Variants in PDP2 observed in about 807,000 individuals in gnomAD.
PDP2 encodes [Pyruvate dehydrogenase [acetyl-transferring]]-phosphatase 2, mitochondrial.
In PDP2, 23 loss-of-function variants were observed where a neutral mutation model predicts 34.2. The observed-to-expected ratio is 0.67, with a 90% CI of 0.48 to 0.95. The LOEUF (loss-of-function observed/expected upper bound fraction) is 0.95. PDP2 is among the 40% of genes least tolerant of loss of function. The pLI is 0.00. For synonymous variants in PDP2, 275 were observed against 269.2 expected (o/e 1.02, Z -0.21); for missense variants, 571 against 659.6 (o/e 0.87, Z 1.47).
In PDP2 at chr16:66,889,710, C is replaced by A. The variant is rs1961930074; in HGVS notation, c.*3836C>A. On this transcript the variant is annotated 3_prime_UTR_variant, in exon 2 of 2. Coordinates refer to ENST00000311765, the MANE Select transcript of PDP2 (RefSeq NM_020786.4). ...CGTGGCTAGGCACAGTGGCCCACAC[C>A]TGTAATCCCAGCACTTTGGGATTCC... 6.6e-6 allele frequency: 1 copy of A among 151,664 alleles called. No homozygotes were observed. The highest frequency in any genetic ancestry group is 1.5e-5 in the Non-Finnish European group (1 of 68,032). The allele number at this position is 151,664 out of a possible 1,614,324, so 9.4% of individuals were successfully genotyped here. A position where few individuals can be genotyped will look rare whatever the true frequency, so the allele number is the denominator to read the frequency against.
rs1961789810 is a variant in PDP2, at chr16:66,886,938, T to C, written c.*1064T>C. On this transcript the variant is annotated 3_prime_UTR_variant, in exon 2 of 2. Transcript: ENST00000311765. The stretch of plus-strand genomic sequence containing the variant: ...TGTGGTAGTTGTGGTGATAGACGTT[T>C]AGACAGGACAGGTTAATTTAGCGGA... The C allele has an allele frequency of 5.8e-6, 1 of 173,870 alleles. No individual in the cohort carries two copies. The highest frequency in any genetic ancestry group is 2.4e-5 in the African/African-American group (1 of 41,770). The allele number at this position is 173,870 out of a possible 1,614,324, so 10.8% of individuals were successfully genotyped here.
chr16:66,884,743 C>T lies in PDP2; in HGVS notation c.459C>T (p.Ser153=), dbSNP rs758313920. 32 of 1,614,160 alleles carry T rather than the reference C, an allele frequency of 2.0e-5. 1 individual carries two copies. Among genetic ancestry groups the T allele is most frequent in the South Asian group, 1.1e-4 (10 of 91,080 alleles). ...GTCATGCATGTGCCCAAGCAGTGAG[C>T]GAGAGGCTCTTCTACTATGTGGCAG... ...HGGHACAQAV[S]ERLFYYVAVS... The change falls in exon 2 of 2, where the codon AGC becomes AGT. Residue 153 remains serine (S), a synonymous_variant. Transcript: ENST00000311765.
In PDP2 at chr16:66,884,412, C is replaced by T. The variant is rs755505367; in HGVS notation, c.128C>T (p.Ser43Phe). Residue 43 changes from serine to phenylalanine, a missense_variant, in exon 2 of 2, where the codon TCC becomes TTC. Coordinates refer to ENST00000311765, the MANE Select transcript of PDP2 (RefSeq NM_020786.4). ...NRNKLKWRLF[S>F]RVPPTLNSSP... ...AATAAATTAAAATGGAGGCTCTTTT[C>T]CCGGGTGCCACCCACCCTAAACAGT... 1.9e-6 allele frequency: 3 copies of T among 1,614,018 alleles called. No homozygotes were observed. The East Asian group carries it at 6.7e-5, about 36-fold the overall frequency.
chr16:66,890,664 G>C lies in PDP2; in HGVS notation c.*4790G>C, dbSNP rs1961964101. The C allele has an allele frequency of 6.6e-6, 1 of 152,220 alleles. No homozygotes were observed. Among genetic ancestry groups the C allele is most frequent in the Non-Finnish European group, 1.5e-5 (1 of 68,042 alleles). 9.4% of individuals were successfully genotyped at this position (152,220 alleles called of 1,614,324 possible). A position where few individuals can be genotyped will look rare whatever the true frequency, so the allele number is the denominator to read the frequency against. On this transcript the variant is annotated 3_prime_UTR_variant, in exon 2 of 2. Coordinates refer to ENST00000311765, the MANE Select transcript of PDP2 (RefSeq NM_020786.4). ...GTAGCCTATCTTCAGCCTTTGGGAA[G>C]TCTTAACTTCCCAGGTTAAACTAGA... is the stretch of plus-strand genomic sequence containing the variant.
chr16:66,883,836 G>T (rs1321349911), intron 1 of PDP2, among the ~76,000 whole-genome samples: 1 of 152,056 alleles, frequency 6.6e-6, no homozygotes, highest in Non-Finnish European at 1.5e-5. Flanking sequence ...AGTCATTTTT[G>T]TTCAGGATAT....
rs1036749856 is a variant in PDP2 at position 66,885,278 on chromosome 16, A to G, written c.994A>G (p.Ile332Val). 6.2e-6 allele frequency: 10 copies of G among 1,614,130 alleles called. No homozygotes were observed. Among genetic ancestry groups the G allele is most frequent in the Admixed American group, 1.7e-5 (1 of 60,026 alleles). ...REHPESEDRTIIMEDRLLGVL... is the reference protein window; with the variant it reads ...REHPESEDRTVIMEDRLLGVL... Reference sequence around the variant, plus strand: ...GCACCCTGAGTCAGAGGACAGGACGATCATCATGGAGGACAGGCTACTGGG... The same window carrying G: ...GCACCCTGAGTCAGAGGACAGGACGGTCATCATGGAGGACAGGCTACTGGG... The change falls in exon 2 of 2, where the codon ATC becomes GTC. Residue 332 changes from isoleucine to valine, a missense_variant. Physicochemically the swap from Ile to Val is conservative, Grantham distance 29. Around this residue, in one of 2 missense-constraint regions of PDP2, gnomAD observed 281 missense variants for 375.8 expected, o/e 0.75. Coordinates refer to ENST00000311765, the MANE Select transcript of PDP2 (RefSeq NM_020786.4). The surrounding 1 kb of genome is among the most constrained non-coding windows in gnomAD (Gnocchi z 4.6).
rs1961897935 is a variant in PDP2 at position 66,888,998 on chromosome 16, C to T, written c.*3124C>T. 6.6e-6 allele frequency: 1 copy of T among 152,236 alleles called. No homozygotes were observed. The highest frequency in any genetic ancestry group is 2.4e-5 in the African/African-American group (1 of 41,462). 9.4% of individuals were successfully genotyped at this position (152,236 alleles called of 1,614,324 possible). A position where few individuals can be genotyped will look rare whatever the true frequency, so the allele number is the denominator to read the frequency against. ...CTTTCCATGAACATTCTGGGGAGCA[C>T]CTCCTGATTAAACTCCTGTCTCCCT... On this transcript the variant is annotated 3_prime_UTR_variant, in exon 2 of 2. Transcript: ENST00000311765.
rs201113883 is a variant in PDP2 at position 66,885,125 on chromosome 16, G to A, written c.841G>A (p.Val281Met). 9.3e-6 allele frequency: 15 copies of A among 1,613,944 alleles called. No individual in the cohort carries two copies. In the Admixed American group the frequency reaches 1.3e-4, roughly 14 times the overall value. ...CCATGTTGATGGAATTCACTTGCAC[G>A]TGGCAAATGCTGGTGACTGCCGAGC... ...MAHVDGIHLH[V>M]ANAGDCRAIL... is the part of the protein sequence containing the mutation. Residue 281 changes from valine (V) to methionine (M), a missense_variant, in exon 2 of 2, where the codon GTG (valine) becomes ATG (methionine). Around this residue, in one of 2 missense-constraint regions of PDP2, gnomAD observed 281 missense variants for 375.8 expected, o/e 0.75. Transcript: ENST00000311765. The surrounding 1 kb of genome is among the most constrained non-coding windows in gnomAD (Gnocchi z 4.6).
At position 66,884,415 on chromosome 16, in the gene PDP2, G is replaced by A. The variant is rs139306010; in HGVS notation, c.131G>A (p.Arg44Gln). The A allele has an allele frequency of 6.6e-5, 107 of 1,613,872 alleles. No individual in the cohort carries two copies. The highest frequency in any genetic ancestry group is 1.1e-4 in the African/African-American group (8 of 74,870). Residue 44 changes from arginine (R) to glutamine (Q), a missense_variant, in exon 2 of 2, where the codon CGG (arginine) becomes CAG (glutamine). Around this residue, in one of 2 missense-constraint regions of PDP2, gnomAD observed 290 missense variants for 283.8 expected, o/e 1.02. Transcript: ENST00000311765. ...AAATTAAAATGGAGGCTCTTTTCCC[G>A]GGTGCCACCCACCCTAAACAGTTCC... ...RNKLKWRLFS[R>Q]VPPTLNSSPC...
chr16:66,884,846 C>T lies in PDP2; in HGVS notation c.562C>T (p.His188Tyr), dbSNP rs1402328374. ...ESMKPLLPILHWLKHPGDSIY... is the reference protein window; with the variant it reads ...ESMKPLLPILYWLKHPGDSIY... ...CATGAAACCCTTGCTGCCCATCCTG[C>T]ATTGGCTCAAGCACCCAGGGGACAG... The change falls in exon 2 of 2, where the codon CAT (histidine) becomes TAT (tyrosine). Residue 188 changes from histidine (H) to tyrosine (Y), a missense_variant. Coordinates refer to ENST00000311765, the MANE Select transcript of PDP2 (RefSeq NM_020786.4). 5 of 1,613,958 alleles carry T rather than the reference C, an allele frequency of 3.1e-6. No individual in the cohort carries two copies. Among genetic ancestry groups the T allele is most frequent in the Non-Finnish European group, 4.2e-6 (5 of 1,179,980 alleles).
Position 66,884,546 on chromosome 16 carries a change from G to A in PDP2, c.262G>A (p.Ala88Thr). The A allele has an allele frequency of 6.2e-6, 10 of 1,614,214 alleles. No individual in the cohort carries two copies. The highest frequency in any genetic ancestry group is 8.5e-6 in the Non-Finnish European group (10 of 1,180,046). ...SPEQINEVLR[A>T]GETTHKILDL... ...TGAGCAGATAAATGAAGTGCTTCGA[G>A]CTGGCGAGACAACCCACAAGATTCT... Residue 88 changes from alanine to threonine, a missense_variant, in exon 2 of 2, where the codon GCT (alanine) becomes ACT (threonine). Physicochemically the swap from Ala to Thr is moderately conservative, Grantham distance 58. This residue lies in a region of PDP2 where 290 missense variants were observed against 283.8 expected (regional missense o/e 1.02). Coordinates refer to ENST00000311765, the MANE Select transcript of PDP2 (RefSeq NM_020786.4).
intron 1 of PDP2, among the ~76,000 whole-genome samples, chr16:66,881,291 G>T (rs1961503923): frequency 6.6e-6 from 1 of 152,108 alleles, no homozygotes; most frequent in Non-Finnish European, 1.5e-5. Context: ...GGGCTGGCAG[G>T]GGGTGGGGGA....
chr16:66,884,302 C>T lies in PDP2; in HGVS notation c.18C>T (p.Ser6=), dbSNP rs1961638636. 6.2e-7 allele frequency: 1 copy of T among 1,610,514 alleles called. No individual in the cohort carries two copies. Among genetic ancestry groups the T allele is most frequent in the South Asian group, 1.1e-5 (1 of 90,804 alleles). Residue 6 remains serine, a synonymous_variant, in exon 2 of 2, where the codon TCC becomes TCT. Transcript: ENST00000311765. ...GTTTCAGAATGTCAAGTACTGTGTC[C>T]TACTGGATCTTAAATTCTACAAGGA... MSSTV[S]YWILNSTRNS...
rs772487238 is a variant in PDP2, at chr16:66,881,428, T to TTTTTAA, written c.-55+791_-55+792insTAATTT. Among the ~76,000 whole-genome samples, 389 of 119,170 alleles carry TTTTTAA rather than the reference T, an allele frequency of 3.3e-3. 2 individuals carry two copies. The highest frequency in any genetic ancestry group is 6.9e-3 in the African/African-American group (170 of 24,514). The allele number at this position is 119,170 out of a possible 152,430, so 78.2% of individuals were successfully genotyped here. A position where few individuals can be genotyped will look rare whatever the true frequency, so the allele number is the denominator to read the frequency against. On this transcript the variant is annotated intron_variant, in intron 1 of 1. Coordinates refer to ENST00000311765, the MANE Select transcript of PDP2 (RefSeq NM_020786.4). ...TCAAGGTTTTGTTCTGTTTTTTTTT[T>TTTTTAA]TTTAATTTAATTTAATTTAATTTAA...
At position 66,885,626 on chromosome 16, in the gene PDP2, T is replaced by C. The variant is rs779923940; in HGVS notation, c.1342T>C (p.Leu448=). 4 of 1,614,036 alleles carry C rather than the reference T, an allele frequency of 2.5e-6. No individual in the cohort carries two copies. Among genetic ancestry groups the C allele is most frequent in the Admixed American group, 3.3e-5 (2 of 60,020 alleles). The change falls in exon 2 of 2, where the codon TTG becomes CTG. Residue 448 remains leucine (L), a synonymous_variant. Coordinates refer to ENST00000311765, the MANE Select transcript of PDP2 (RefSeq NM_020786.4). The surrounding 1 kb of genome is among the most constrained non-coding windows in gnomAD (Gnocchi z 4.6). ...KTDLAQRPAN[L]GLMQSLLLQR... ...AGACCTGGCCCAGAGACCCGCCAAC[T>C]TGGGGCTCATGCAGAGCCTGCTGCT...
Position 66,884,980 on chromosome 16 carries a change from G to A in PDP2, c.696G>A (p.Met232Ile). ...GACTAAGCATTGAAGAAGCATTAAT[G>A]TACTCCTTCCAGAGACTGGATTCTG... is the stretch of plus-strand genomic sequence containing the variant. ...EMGLSIEEALMYSFQRLDSDI... is the reference protein window; with the variant it reads ...EMGLSIEEALIYSFQRLDSDI... The change falls in exon 2 of 2, where the codon ATG becomes ATA. Residue 232 changes from methionine (M) to isoleucine (I), a missense_variant. By Grantham distance (10) the Met-to-Ile change is conservative. Transcript: ENST00000311765. 10 of 1,613,602 alleles carry A rather than the reference G, an allele frequency of 6.2e-6. No homozygotes were observed. The highest frequency in any genetic ancestry group is 4.0e-5 in the African/African-American group (3 of 75,062).
At position 66,884,431 on chromosome 16, in the gene PDP2, A is replaced by G. The variant is rs138319082; in HGVS notation, c.147A>G (p.Leu49=). Residue 49 remains leucine, a synonymous_variant, in exon 2 of 2, where the codon CTA becomes CTG. Transcript: ENST00000311765. ...WRLFSRVPPT[L]NSSPCGGFTL... Reference sequence around the variant, plus strand: ...TCTTTTCCCGGGTGCCACCCACCCTAAACAGTTCCCCATGTGGTGGCTTTA... The same window carrying G: ...TCTTTTCCCGGGTGCCACCCACCCTGAACAGTTCCCCATGTGGTGGCTTTA... 7.6e-4 allele frequency: 1,232 copies of G among 1,614,154 alleles called. 12 individuals are homozygous for G. In the African/African-American group the frequency reaches 0.015, roughly 19 times the overall value.
intron 1 of PDP2, among the ~76,000 whole-genome samples, chr16:66,883,555 C>T (rs927551416): frequency 6.6e-6 from 1 of 152,208 alleles, no homozygotes; most frequent in African/African-American, 2.4e-5. Context: ...TCTCCTACCT[C>T]AGCCTCCCAA....
Position 66,890,447 on chromosome 16 carries a change from G to A in PDP2, c.*4573G>A, listed in dbSNP as rs1185541640. 6.6e-6 allele frequency: 1 copy of A among 152,134 alleles called. No homozygotes were observed. Among genetic ancestry groups the A allele is most frequent in the African/African-American group, 2.4e-5 (1 of 41,422 alleles). 9.4% of individuals were successfully genotyped at this position (152,134 alleles called of 1,614,324 possible). On this transcript the variant is annotated 3_prime_UTR_variant, in exon 2 of 2. Transcript: ENST00000311765. ...AACATCTTTTTCCTTTGGCCTAAAA[G>A]GTCTTTAGTATTCAGCACACTGGGT...
Sources: allele counts gnomAD v4.1 joint callset (sites outside exome capture counted in the v4.1 genomes callset), GRCh38; gene constraint gnomAD v4.1.1; regional missense constraint gnomAD v4.1.1; non-coding constraint Gnocchi (gnomAD v3.1); transcripts MANE v1.5; gene names NCBI Gene and HGNC (gene_info 2026-07-23, HGNC 2026-07-21).